EYA2: variants seen among roughly 807,000 people sequenced by gnomAD.
EYA2 encodes protein phosphatase EYA2.
In EYA2, 31 loss-of-function variants were observed where a neutral mutation model predicts 69.2. That is an observed-to-expected ratio of 0.45 (90% confidence interval 0.34 to 0.60). EYA2 has a LOEUF of 0.60. Ranked by LOEUF, EYA2 falls within the 20% of genes least tolerant of loss-of-function variation. The pLI is 0.02. For synonymous variants in EYA2, 257 were observed against 279.4 expected (o/e 0.92, Z 0.80); for missense variants, 622 against 701.2 (o/e 0.89, Z 1.28).
chr20:47,131,711 C>G (rs549201415), intron 9 of EYA2, among the ~76,000 whole-genome samples: 2 of 152,184 alleles, frequency 1.3e-5, no homozygotes, highest in Non-Finnish European at 2.9e-5. Context: ...GCAGCTAACA[C>G]AAGCAAGGAA....
chr20:47,082,795 G>A (rs919324674), intron 7 of EYA2, among the ~76,000 whole-genome samples: 6 of 152,160 alleles, frequency 3.9e-5, no homozygotes, highest in Non-Finnish European at 7.3e-5. Context: ...CAAAGTTAGA[G>A]GGCTAAGACT....
chr20:46,956,333 T>C (rs1036592772), intron 1 of EYA2, among the ~76,000 whole-genome samples: 1 of 152,240 alleles, frequency 6.6e-6, no homozygotes, highest in African/African-American at 2.4e-5. Context: ...AGGATCTGTA[T>C]TGGTTAAGGT....
chr20:46,916,873 G>T (rs1984931591), intron 1 of EYA2, among the ~76,000 whole-genome samples: 1 of 152,106 alleles, frequency 6.6e-6, no homozygotes, highest in Admixed American at 6.5e-5. Flanking sequence ...GTGAGCTTTG[G>T]ACCCTTCCTT....
intron 1 of EYA2, among the ~76,000 whole-genome samples, chr20:46,963,893 A>G (rs1216839845): frequency 6.6e-6 from 1 of 152,238 alleles, no homozygotes; most frequent in African/African-American, 2.4e-5. Flanking sequence ...TGATGGGAAC[A>G]CGGGCTGCCA....
At chr20:46,987,997 TGGGGCAAAAA>T (rs1981398035) in intron 1 of EYA2, among the ~76,000 whole-genome samples, 10 of 68,990 alleles carry the variant, frequency 1.4e-4, no homozygotes, top group Non-Finnish European at 2.0e-4. Context: ...TATATATATA[TGGGGCAAAAA>T]AAAAATACAG....
At chr20:47,138,966 A>G (rs114442668) in intron 9 of EYA2, among the ~76,000 whole-genome samples, 2,373 of 152,152 alleles carry the variant, frequency 0.016, 60 homozygotes, top group African/African-American at 0.054. Flanking sequence ...TACATAGTAC[A>G]TAATGCAATC....
At chr20:47,088,618 C>T (rs534582153) in intron 7 of EYA2, among the ~76,000 whole-genome samples, 1 of 152,224 alleles carries the variant, frequency 6.6e-6, no homozygotes, top group Non-Finnish European at 1.5e-5. Flanking sequence ...GAAGAGGCCT[C>T]GCTCTGTTAT....
intron 1 of EYA2, among the ~76,000 whole-genome samples, chr20:46,896,527 C>T (rs564401012): frequency 1.8e-4 from 28 of 152,220 alleles, no homozygotes; most frequent in African/African-American, 4.1e-4. Flanking sequence ...TTCCACTTGT[C>T]TTTCTTCATC....
chr20:47,065,130 G>C (rs968465291), intron 5 of EYA2, among the ~76,000 whole-genome samples: 1 of 152,122 alleles, frequency 6.6e-6, no homozygotes, highest in Admixed American at 6.6e-5. Context: ...GGAAAGATCT[G>C]CCCCCATGAT....
intron 5 of EYA2, among the ~76,000 whole-genome samples, chr20:47,060,609 G>C (rs1186896013): frequency 6.6e-6 from 1 of 152,262 alleles, no homozygotes; most frequent in Non-Finnish European, 1.5e-5. Context: ...GGGAGGCCAA[G>C]TGGTATCTGC....
At chr20:47,049,454 C>T (rs929479194) in intron 5 of EYA2, among the ~76,000 whole-genome samples, 12 of 152,072 alleles carry the variant, frequency 7.9e-5, no homozygotes, top group African/African-American at 1.4e-4. Flanking sequence ...ATCATGGGGG[C>T]GAATCCCTTG....
intron 10 of EYA2, among the ~76,000 whole-genome samples, chr20:47,149,792 C>G (rs755602644): frequency 1.3e-5 from 2 of 151,632 alleles, no homozygotes; most frequent in Non-Finnish European, 2.9e-5. Flanking sequence ...GCGGAGGTTG[C>G]AGTGAGCCGA....
intron 5 of EYA2, among the ~76,000 whole-genome samples, chr20:47,023,507 C>T (rs905532904): frequency 1.3e-5 from 2 of 152,134 alleles, no homozygotes; most frequent in African/African-American, 4.8e-5. Context: ...TGATGTTCCA[C>T]ACCACTACCT....
At chr20:47,057,720 T>G (rs1466356296) in intron 5 of EYA2, among the ~76,000 whole-genome samples, 2 of 152,354 alleles carry the variant, frequency 1.3e-5, no homozygotes, top group East Asian at 3.9e-4. Flanking sequence ...TCACTGGGAT[T>G]ACCCATGAGG....
chr20:47,171,557 T>C (rs2034322948), intron 11 of EYA2, among the ~76,000 whole-genome samples: 2 of 152,224 alleles, frequency 1.3e-5, no homozygotes, highest in South Asian at 4.2e-4. Context: ...TCATCCTCAT[T>C]TTTCAGCTGG....
chr20:47,030,158 T>G (rs1369053008), intron 5 of EYA2, among the ~76,000 whole-genome samples: 5 of 152,212 alleles, frequency 3.3e-5, no homozygotes, highest in Non-Finnish European at 7.3e-5. Flanking sequence ...AAACCAGATC[T>G]TATCTGCCTG....
chr20:46,960,288 G>GAC (rs1979394396), intron 1 of EYA2, among the ~76,000 whole-genome samples: 1 of 152,114 alleles, frequency 6.6e-6, no homozygotes, highest in Non-Finnish European at 1.5e-5. Flanking sequence ...AAGGCTTAGA[G>GAC]AGACACTTTA....
At chr20:46,942,482 T>C (rs945443048) in intron 1 of EYA2, among the ~76,000 whole-genome samples, 3 of 152,230 alleles carry the variant, frequency 2.0e-5, no homozygotes, top group Non-Finnish European at 4.4e-5. Flanking sequence ...TCTCCTCACA[T>C]TTAGAGACAT....
chr20:47,081,667 T>C (rs1367237279), intron 7 of EYA2, among the ~76,000 whole-genome samples: 27 of 150,460 alleles, frequency 1.8e-4, no homozygotes, highest in African/African-American at 6.6e-4. Flanking sequence ...TGATCCCAGC[T>C]ACTCAGGAGG....
Sources: allele counts gnomAD v4.1 joint callset (sites outside exome capture counted in the v4.1 genomes callset), GRCh38; gene constraint gnomAD v4.1.1; transcripts MANE v1.5; gene names NCBI Gene and HGNC (gene_info 2026-07-23, HGNC 2026-07-21).